Variants in MEF2D observed in about 807,000 individuals in gnomAD.
MEF2D encodes myocyte-specific enhancer factor 2D.
A neutral mutation model predicts 59.3 loss-of-function variants in MEF2D; 10 were observed. The observed-to-expected ratio is 0.17, with a 90% CI of 0.10 to 0.29. The LOEUF (loss-of-function observed/expected upper bound fraction) is 0.29. Among genes scored for constraint, MEF2D ranks in the 10% least tolerant of loss-of-function variants. The pLI is 1.00. For missense variants in MEF2D, 508 were observed against 699.4 expected, an observed-to-expected ratio of 0.73 and a Z score of 3.09; for synonymous variants, 305 against 295.0, an observed-to-expected ratio of 1.03 and a Z score of -0.35.
rs1178767476 is a variant in MEF2D at position 156,476,474 on chromosome 1, G to A, written c.876+20C>T. The A allele has an allele frequency of 1.9e-6, 3 of 1,610,988 alleles. No homozygotes were observed. The highest frequency in any genetic ancestry group is 1.7e-4 in the Middle Eastern group (1 of 6,060). On this transcript the variant is annotated intron_variant, in intron 8 of 11. Transcript: ENST00000348159. Reference sequence around the variant, plus strand: ...ACCCAGAATTCAAAGCCACAGCAAAGAGCTCACAGCCTCACTTACCAGATC... The same window carrying A: ...ACCCAGAATTCAAAGCCACAGCAAAAAGCTCACAGCCTCACTTACCAGATC...
chr1:156,469,579 G>A (rs1671091088), intron 9 of MEF2D, among the ~76,000 whole-genome samples: 1 of 129,090 alleles, frequency 7.7e-6, no homozygotes, highest in African/African-American at 2.9e-5. Context: ...TTTAAAAATA[G>A]TGTTGAACTT....
chr1:156,482,524 G>A lies in MEF2D; in HGVS notation c.171C>T (p.Tyr57=), dbSNP rs113258959. ...GCACCTTGTCCATGTCGGTGCTGGC[G>A]TACTGGAACAGCTTGTTGGAGTGGT... ...IFNHSNKLFQ[Y]ASTDMDKVLL... Residue 57 remains tyrosine, a synonymous_variant, in exon 3 of 12, where the codon TAC becomes TAT. Transcript: ENST00000348159. The A allele has an allele frequency of 5.2e-5, 84 of 1,614,238 alleles. 1 individual carries two copies. The African/African-American group carries it at 6.7e-4, about 13-fold the overall frequency.
intron 1 of MEF2D, among the ~76,000 whole-genome samples, chr1:156,496,972 G>A (rs749279156): frequency 6.6e-6 from 1 of 152,190 alleles, no homozygotes; most frequent in Non-Finnish European, 1.5e-5. Context: ...CCAAGCCAAA[G>A]GTCAAGGCCT....
chr1:156,476,444 G>A (rs764873289), intron 8 of MEF2D, 50 bp downstream of exon 8: 3 of 1,598,966 alleles, frequency 1.9e-6, no homozygotes, highest in Admixed American at 3.4e-5. Context: ...GGACCGCAGA[G>A]CAATACCCAG....
At chr1:156,479,441 G>A (rs1340169756) in intron 5 of MEF2D, 95 bp from the exon 6 acceptor site, 5 of 1,495,218 alleles carry the variant, frequency 3.3e-6, no homozygotes, top group African/African-American at 1.4e-5. Context: ...CCAGGAGGAA[G>A]AGTCATACTC....
intron 8 of MEF2D, 98 bp downstream of exon 8, chr1:156,476,396 G>A (rs1236524898): frequency 6.4e-6 from 9 of 1,396,338 alleles, no homozygotes; most frequent in African/African-American, 5.6e-5. Context: ...TTCACGCACA[G>A]GCGAGAGGCC....
At chr1:156,483,740 C>G (rs1341883550) in intron 1 of MEF2D, among the ~76,000 whole-genome samples, 1 of 152,248 alleles carries the variant, frequency 6.6e-6, no homozygotes, top group African/African-American at 2.4e-5. Context: ...ATTCTTCTCT[C>G]TAGAACCTGC....
Position 156,467,654 on chromosome 1 carries a change from T to C in MEF2D, c.1557A>G (p.Thr519=), listed in dbSNP as rs748064538. The C allele has an allele frequency of 7.5e-5, 99 of 1,326,832 alleles. No homozygotes were observed. The highest frequency in any genetic ancestry group is 9.5e-5 in the Non-Finnish European group (98 of 1,029,728). 82.2% of individuals were successfully genotyped at this position (1,326,832 alleles called of 1,614,324 possible). The change falls in exon 12 of 12, where the codon ACA becomes ACG. Residue 519 remains threonine (T), a splice_region_variant and synonymous_variant. Coordinates refer to ENST00000348159, the MANE Select transcript of MEF2D (RefSeq NM_005920.4). ...AGGGGAGTGGGAATCGTCACTTTAA[T>C]GTCTGTGAAGAGAGGAGATGGAGAA... ...AVKRMRLDTW[T]LK
chr1:156,468,695 G>A lies in MEF2D; in HGVS notation c.1247+85C>T. ...ATAGGATGTCCACTAGAACCCTGCA[G>A]GGAACCCAGCTCCCAAGAGGTCCCT... On this transcript the variant is annotated intron_variant, in intron 10 of 11. Transcript: ENST00000348159. This position sits in a 1 kb window ranked among gnomAD's most constrained non-coding sequence, Gnocchi z 4.3. 1.3e-6 allele frequency: 2 copies of A among 1,552,010 alleles called. No homozygotes were observed. The highest frequency in any genetic ancestry group is 1.2e-5 in the South Asian group (1 of 81,620).
chr1:156,483,434 G>A lies in MEF2D; in HGVS notation c.-138-4C>T. On this transcript the variant is annotated splice_region_variant and splice_polypyrimidine_tract_variant and intron_variant, in intron 1 of 11. Coordinates refer to ENST00000348159, the MANE Select transcript of MEF2D (RefSeq NM_005920.4). ...AGGATACCTTCTGCACAGCCTCCTG[G>A]AAAGGGAGGGTCATGAGAGGTCTCT... 1.3e-6 allele frequency: 1 copy of A among 797,334 alleles called. No individual in the cohort carries two copies. The highest frequency in any genetic ancestry group is 2.1e-6 in the Non-Finnish European group (1 of 476,712). 49.4% of individuals were successfully genotyped at this position (797,334 alleles called of 1,614,324 possible).
chr1:156,498,223 T>A (rs998491756), intron 1 of MEF2D, among the ~76,000 whole-genome samples: 2 of 150,818 alleles, frequency 1.3e-5, no homozygotes, highest in African/African-American at 4.9e-5. Context: ...AGAGCCAGGA[T>A]GCCCAGGCCC....
intron 1 of MEF2D, among the ~76,000 whole-genome samples, chr1:156,489,495 A>G (rs2102216634): frequency 6.6e-6 from 1 of 152,262 alleles, no homozygotes; most frequent in African/African-American, 2.4e-5. Context: ...AGAGGCAGAG[A>G]CAGATAAGGA....
At chr1:156,497,067 C>CG (rs1673173575) in intron 1 of MEF2D, among the ~76,000 whole-genome samples, 1 of 152,228 alleles carries the variant, frequency 6.6e-6, no homozygotes, top group African/African-American at 2.4e-5. Flanking sequence ...TCTCTCCCCC[C>CG]CAGCTTCCCC....
intron 1 of MEF2D, among the ~76,000 whole-genome samples, chr1:156,490,025 CA>C (rs1378481244): frequency 6.6e-6 from 1 of 152,202 alleles, no homozygotes; most frequent in East Asian, 1.9e-4. Flanking sequence ...GTGATGCCCC[CA>C]AACACCCAGG....
At chr1:156,478,996 C>T (rs1347126254) in intron 6 of MEF2D, among the ~76,000 whole-genome samples, 1 of 152,192 alleles carries the variant, frequency 6.6e-6, no homozygotes, top group African/African-American at 2.4e-5. Flanking sequence ...CCTCCAGATC[C>T]CAACCACACT....
At position 156,475,205 on chromosome 1, in the gene MEF2D, A is replaced by C. The variant is rs368757738; in HGVS notation, c.909T>G (p.Ser303=). 9 of 1,613,642 alleles carry C rather than the reference A, an allele frequency of 5.6e-6. No homozygotes were observed. Among genetic ancestry groups the C allele is most frequent in the Non-Finnish European group, 7.6e-6 (9 of 1,179,832 alleles). ...NNAQRLGVSQ[S]THSLTTPVVS... The stretch of plus-strand genomic sequence containing the variant: ...CCACTGGGGTGGTGAGCGAATGAGT[A>C]GACTGGGAGACCCCAAGGCGCTGGG... The change falls in exon 9 of 12, where the codon TCT becomes TCG. Residue 303 remains serine (S), a synonymous_variant. Transcript: ENST00000348159.
intron 6 of MEF2D, among the ~76,000 whole-genome samples, chr1:156,478,167 G>C (rs1671741129): frequency 6.6e-6 from 1 of 152,126 alleles, no homozygotes; most frequent in South Asian, 2.1e-4. Context: ...CATTTCTCTG[G>C]CCTTCTCCTT....
chr1:156,490,091 A>G (rs1439723392), intron 1 of MEF2D, among the ~76,000 whole-genome samples: 1 of 152,142 alleles, frequency 6.6e-6, no homozygotes, highest in African/African-American at 2.4e-5. Flanking sequence ...CCTTCACAAA[A>G]GAAGTGGGGG....
At chr1:156,481,557 T>G (rs3790454) in intron 3 of MEF2D, among the ~76,000 whole-genome samples, 83,856 of 152,110 alleles carry the variant, frequency 0.55, 25,030 homozygotes, top group East Asian at 0.73. Flanking sequence ...TGGAGGCACA[T>G]CTGGGGGATC....
Sources: allele counts gnomAD v4.1 joint callset (sites outside exome capture counted in the v4.1 genomes callset), GRCh38; gene constraint gnomAD v4.1.1; non-coding constraint Gnocchi (gnomAD v3.1); transcripts MANE v1.5; gene names NCBI Gene and HGNC (gene_info 2026-07-23, HGNC 2026-07-21).